SLC22A4: variants seen among roughly 807,000 people sequenced by gnomAD.
SLC22A4 encodes the protein ET transporter.
SLC22A4 carries 39 observed loss-of-function variants against 56.6 expected under a neutral mutation model. The ratio of observed to expected loss-of-function variants is 0.69; its 90% confidence interval spans 0.53 to 0.90. The LOEUF is 0.90. SLC22A4 is among the 40% of genes least tolerant of loss of function. The probability of loss-of-function intolerance (pLI) is 0.00; values close to 1 mark genes in which losing one functional copy is unlikely to be tolerated. For synonymous variants in SLC22A4, 241 were observed against 281.4 expected, an observed-to-expected ratio of 0.86 and a Z score of 1.44; for missense variants, 594 against 696.5, an observed-to-expected ratio of 0.85 and a Z score of 1.66.
chr5:132,306,158 GA>G (rs1410858579), intron 1 of SLC22A4, among the ~76,000 whole-genome samples: 3 of 151,796 alleles, frequency 2.0e-5, no homozygotes, highest in Non-Finnish European at 4.4e-5. Flanking sequence ...AGCCACTTTG[GA>G]AAGCAGATTA....
At chr5:132,332,650 G>A (rs2126734836) in intron 6 of SLC22A4, among the ~76,000 whole-genome samples, 1 of 151,742 alleles carries the variant, frequency 6.6e-6, no homozygotes. Flanking sequence ...CAGAAATACT[G>A]AATTGGCTTT....
intron 8 of SLC22A4, among the ~76,000 whole-genome samples, chr5:132,339,162 T>A (rs571262732): frequency 6.6e-6 from 1 of 152,324 alleles, no homozygotes; most frequent in South Asian, 2.1e-4. Context: ...ACAGGTGTAT[T>A]CATCTTTTTC....
At chr5:132,338,190 TC>T (rs1264155716) in intron 8 of SLC22A4, among the ~76,000 whole-genome samples, 1 of 152,078 alleles carries the variant, frequency 6.6e-6, no homozygotes, top group Non-Finnish European at 1.5e-5. Flanking sequence ...AAGCTAGGTG[TC>T]CGGGGGAGAC....
intron 5 of SLC22A4, among the ~76,000 whole-genome samples, chr5:132,328,930 T>TATATAC (rs1475251337): frequency 1.4e-4 from 3 of 21,950 alleles, no homozygotes; most frequent in South Asian, 1.2e-3. Flanking sequence ...TATATATATA[T>TATATAC]ACACACACAC....
chr5:132,338,192 C>T (rs146711507), intron 8 of SLC22A4, among the ~76,000 whole-genome samples: 36 of 152,004 alleles, frequency 2.4e-4, no homozygotes, highest in Admixed American at 3.3e-4. Flanking sequence ...GCTAGGTGTC[C>T]GGGGGAGACA....
At chr5:132,330,140 G>A (rs1750812945) in intron 5 of SLC22A4, among the ~76,000 whole-genome samples, 1 of 152,202 alleles carries the variant, frequency 6.6e-6, no homozygotes, top group African/African-American at 2.4e-5. Context: ...AAAAGGCAAT[G>A]TGGCTGTGAG....
rs563205216 is a variant in SLC22A4, at chr5:132,324,008, C to T, written c.824+1653C>T. Reference sequence around the variant, plus strand: ...AGCAGTTCAAAACCAGCCTGGGCAACATGGCAAAACCCTGTCTGTACTAAA... The same window carrying T: ...AGCAGTTCAAAACCAGCCTGGGCAATATGGCAAAACCCTGTCTGTACTAAA... On this transcript the variant is annotated intron_variant, in intron 4 of 9. Coordinates refer to ENST00000200652, the MANE Select transcript of SLC22A4 (RefSeq NM_003059.3). Among the ~76,000 whole-genome samples the T allele has an allele frequency of 1.6e-3, 246 of 152,114 alleles. 1 individual carries two copies. The highest frequency in any genetic ancestry group is 3.4e-3 in the Middle Eastern group (1 of 294).
chr5:132,328,701 G>T (rs272891), intron 5 of SLC22A4, among the ~76,000 whole-genome samples: 108,953 of 151,734 alleles, frequency 0.72, 39,897 homozygotes, highest in African/African-American at 0.85. Flanking sequence ...GTGAAACTTA[G>T]AGTCTAGTTG....
intron 9 of SLC22A4, among the ~76,000 whole-genome samples, chr5:132,343,374 G>T (rs1456667666): frequency 6.6e-6 from 1 of 152,190 alleles, no homozygotes; most frequent in Non-Finnish European, 1.5e-5. Flanking sequence ...CCTTGATAAA[G>T]GTAACTCTGC....
chr5:132,312,841 G>A (rs1442705474), intron 2 of SLC22A4, among the ~76,000 whole-genome samples: 1 of 152,196 alleles, frequency 6.6e-6, no homozygotes, highest in Non-Finnish European at 1.5e-5. Context: ...GACCAGTGCA[G>A]GAAGGTGGGG....
chr5:132,302,108 T>A (rs910584333), intron 1 of SLC22A4, among the ~76,000 whole-genome samples: 58 of 152,352 alleles, frequency 3.8e-4, no homozygotes, highest in African/African-American at 1.4e-3. Context: ...TGTTTGTTTA[T>A]CAGCTGCCTC....
At position 132,294,395 on chromosome 5, in the gene SLC22A4, A is replaced by C; in HGVS notation, c.-222A>C. On this transcript the variant is annotated 5_prime_UTR_variant, in exon 1 of 10. Transcript: ENST00000200652. This position sits in a 1 kb window ranked among gnomAD's most constrained non-coding sequence, Gnocchi z 5.6. Reference sequence around the variant, plus strand: ...GGCCGGGGATGGGGGTGTGGTCCCAAGTGTACAGTGGCATCAAGCTCAGCG... The same window carrying C: ...GGCCGGGGATGGGGGTGTGGTCCCACGTGTACAGTGGCATCAAGCTCAGCG... The C allele has an allele frequency of 1.6e-6, 1 of 620,842 alleles. No individual in the cohort carries two copies. 38.5% of individuals were successfully genotyped at this position (620,842 alleles called of 1,614,324 possible).
At chr5:132,308,372 A>ATTTTTTTTT (rs56259514) in intron 1 of SLC22A4, among the ~76,000 whole-genome samples, 1 of 61,300 alleles carries the variant, frequency 1.6e-5, no homozygotes, top group Non-Finnish European at 2.9e-5. Flanking sequence ...TGATTAAGCA[A>ATTTTTTTTT]TTTTTTTTTT....
At chr5:132,327,476 A>G in intron 5 of SLC22A4, 73 bp downstream of exon 5, 4 of 1,353,298 alleles carry the variant, frequency 3.0e-6, no homozygotes, top group Non-Finnish European at 4.2e-6. Context: ...ACTTAATTCA[A>G]TATTTGTTAA....
chr5:132,324,241 AAG>A (rs61709003), intron 4 of SLC22A4, among the ~76,000 whole-genome samples: 1 of 150,816 alleles, frequency 6.6e-6, no homozygotes, highest in African/African-American at 2.4e-5. Flanking sequence ...ATCAGAGAGA[AAG>A]AGAGAGAGAG....
At chr5:132,314,049 T>C (rs1406569156) in intron 3 of SLC22A4, among the ~76,000 whole-genome samples, 1 of 152,180 alleles carries the variant, frequency 6.6e-6, no homozygotes. Flanking sequence ...AGCACAGGGC[T>C]TAAGAGAGGC....
rs1050156230 is a variant in SLC22A4, at chr5:132,314,642, A to G, written c.652+874A>G. Among the ~76,000 whole-genome samples, 5 of 152,218 alleles carry G rather than the reference A, an allele frequency of 3.3e-5. No homozygotes were observed. In the South Asian group the frequency reaches 1.0e-3, roughly 31 times the overall value. ...TCATTATTAATAATACTCCTTTAAT[A>G]GAAGTCTAACGATTCTTCTTGCCTC... On this transcript the variant is annotated intron_variant, in intron 3 of 9. Coordinates refer to ENST00000200652, the MANE Select transcript of SLC22A4 (RefSeq NM_003059.3).
intron 3 of SLC22A4, among the ~76,000 whole-genome samples, chr5:132,320,160 A>T (rs917737973): frequency 6.6e-6 from 1 of 152,250 alleles, no homozygotes; most frequent in Non-Finnish European, 1.5e-5. Flanking sequence ...CTGCAAAGTT[A>T]TATAACTGTT....
chr5:132,309,571 C>T (rs1750130904), intron 1 of SLC22A4, among the ~76,000 whole-genome samples: 1 of 152,238 alleles, frequency 6.6e-6, no homozygotes, highest in Admixed American at 6.5e-5. Flanking sequence ...CCCAGTGTCC[C>T]CATTCAGAAC....
Sources: gnomAD v4.1 joint callset for allele counts (sites outside exome capture counted in the v4.1 genomes callset) on GRCh38, gnomAD v4.1.1 for gene constraint, Gnocchi (gnomAD v3.1) non-coding constraint, MANE v1.5 for transcripts, NCBI Gene and HGNC (gene_info 2026-07-23, HGNC 2026-07-21) for gene names.